Variants in MYH6 observed in about 807,000 individuals in gnomAD.
MYH6 encodes myosin-6.
MYH6 carries 126 observed loss-of-function variants against 223.2 expected under a neutral mutation model. The ratio of observed to expected loss-of-function variants is 0.56; its 90% CI spans 0.49 to 0.65. The LOEUF is 0.65. Among genes scored for constraint, MYH6 ranks in the 30% least tolerant of loss-of-function variants. The pLI is 0.00. For synonymous variants in MYH6, 978 were observed against 1,010.2 expected (o/e 0.97, Z 0.61); for missense variants, 2,040 against 2,536.4 (o/e 0.80, Z 4.20).
chr14:23,384,772 C>A, intron 35 of MYH6, 55 bp from the exon 36 acceptor site: 1 of 1,613,806 alleles, frequency 6.2e-7, no homozygotes, highest in Non-Finnish European at 8.5e-7. Context: ...GGGCCTTTTG[C>A]CCCCCAAGGA....
intron 22 of MYH6, 21 bp downstream of exon 22, chr14:23,393,645 G>A (rs1891306183): frequency 1.2e-6 from 2 of 1,614,076 alleles, no homozygotes; most frequent in African/African-American, 2.7e-5. Flanking sequence ...CTGGGCTGAA[G>A]CCAGAGGGAG....
In MYH6 at chr14:23,390,435, C is replaced by T; in HGVS notation, c.3354G>A (p.Glu1118=). The T allele has an allele frequency of 2.5e-6, 4 of 1,612,814 alleles. No individual in the cohort carries two copies. The South Asian group carries it at 3.3e-5, about 13-fold the overall frequency. The change falls in exon 26 of 39, where the codon GAG becomes GAA. Residue 1118 remains glutamate (E), a synonymous_variant. Coordinates refer to ENST00000405093, the MANE Select transcript of MYH6 (RefSeq NM_002471.4). ...CGGCCTCCAGCTCCTCCTCCAGCTC[C>T]TCGATGCGTGCCTGGGTCAGACACA... ...KKLKENQARI[E]ELEEELEAER...
At position 23,388,937 on chromosome 14, in the gene MYH6, G is replaced by T; in HGVS notation, c.4097C>A (p.Ala1366Asp). ...KAELQRVLSKANSEVAQWRTK... is the reference protein window; with the variant it reads ...KAELQRVLSKDNSEVAQWRTK... ...CCTCCACTGGGCCACCTCCGAGTTG[G>T]CCTTGGACAGGACGCGCTGCAGCTC... is the stretch of plus-strand genomic sequence containing the variant. The change falls in exon 29 of 39, where the codon GCC becomes GAC. Residue 1366 changes from alanine to aspartate, a missense_variant. By Grantham distance (126) the Ala-to-Asp change is moderately radical (BLOSUM62 -2). Around this residue, in one of 4 missense-constraint regions of MYH6, gnomAD observed 1,203 missense variants for 1,400.2 expected, o/e 0.86. Coordinates refer to ENST00000405093, the MANE Select transcript of MYH6 (RefSeq NM_002471.4). The T allele has an allele frequency of 1.2e-6, 2 of 1,613,780 alleles. No homozygotes were observed. The highest frequency in any genetic ancestry group is 1.7e-6 in the Non-Finnish European group (2 of 1,180,040).
At chr14:23,406,961 CA>C (rs1891806968) in intron 3 of MYH6, 61 bp downstream of exon 3, 4 of 1,568,790 alleles carry the variant, frequency 2.5e-6, no homozygotes, top group Non-Finnish European at 3.5e-6. Context: ...CAAGTGGCTC[CA>C]CCTCTGCATC....
At chr14:23,383,780 C>G (rs1028745769) in intron 36 of MYH6, among the ~76,000 whole-genome samples, 1 of 152,168 alleles carries the variant, frequency 6.6e-6, no homozygotes, top group Non-Finnish European at 1.5e-5. Context: ...ATTCAGGCAT[C>G]GGGATCACTG....
At chr14:23,389,278 G>A in intron 28 of MYH6, 115 bp downstream of exon 28, 1 of 1,280,840 alleles carries the variant, frequency 7.8e-7, no homozygotes, top group Non-Finnish European at 1.1e-6. Context: ...AACCTAGACT[G>A]GAGGGTCTTT....
intron 35 of MYH6, 32 bp downstream of exon 35, chr14:23,384,884 T>G (rs2138582126): frequency 1.2e-6 from 2 of 1,613,518 alleles, no homozygotes; most frequent in African/African-American, 2.7e-5. Flanking sequence ...GTTTCTGTCT[T>G]TAGGGGAGGC....
chr14:23,396,312 T>A lies in MYH6; in HGVS notation c.2401A>T (p.Ile801Phe), dbSNP rs75487328. ...QAQARGQLMR[I>F]EFKKIVERRD... is the part of the protein sequence containing the mutation. ...CGTTCCACTATCTTCTTGAACTCAA[T>A]GCGCATGAGCTGGCCCCGGGCTTGG... Residue 801 changes from isoleucine (I) to phenylalanine (F), a missense_variant, in exon 20 of 39, where the codon ATT (isoleucine) becomes TTT (phenylalanine). By Grantham distance (21) the Ile-to-Phe change is conservative. This residue lies in a region of MYH6 where 649 missense variants were observed against 877.3 expected (regional missense o/e 0.74). Transcript: ENST00000405093. The A allele has an allele frequency of 1.9e-6, 3 of 1,614,154 alleles. No individual in the cohort carries two copies. Among genetic ancestry groups the A allele is most frequent in the Admixed American group, 1.7e-5 (1 of 60,032 alleles).
At chr14:23,402,348 C>T in intron 12 of MYH6, 116 bp downstream of exon 12, 1 of 1,508,552 alleles carries the variant, frequency 6.6e-7, no homozygotes, top group South Asian at 1.2e-5. Flanking sequence ...TGTCCCTCAC[C>T]ATCCCACAAC....
intron 15 of MYH6, 97 bp downstream of exon 15, chr14:23,398,631 G>C: frequency 6.9e-7 from 1 of 1,442,016 alleles, no homozygotes; most frequent in Non-Finnish European, 9.7e-7. Flanking sequence ...GGGCTCCCCT[G>C]TGCCTGCCTA....
chr14:23,387,482 G>A, intron 32 of MYH6, 47 bp downstream of exon 32: 1 of 1,609,086 alleles, frequency 6.2e-7, no homozygotes, highest in East Asian at 2.2e-5. Flanking sequence ...AGAAGTGGGA[G>A]ACAGCGGCAG....
At chr14:23,393,161 A>C (rs1891289097) in intron 23 of MYH6, 104 bp from the exon 24 acceptor site, 1 of 1,534,058 alleles carries the variant, frequency 6.5e-7, no homozygotes, top group Non-Finnish European at 9.0e-7. Flanking sequence ...TTGGAAGTCA[A>C]ACCAACAGAG....
chr14:23,389,577 G>A lies in MYH6; in HGVS notation c.3859+16C>T. 6.2e-7 allele frequency: 1 copy of A among 1,614,212 alleles called. No homozygotes were observed. Among genetic ancestry groups the A allele is most frequent in the East Asian group, 2.2e-5 (1 of 44,876 alleles). ...CATGTCCTGCCCTAGGCAGGGGGTT[G>A]GTTAGGGGCACCCACCATTCTCGGT... On this transcript the variant is annotated intron_variant, in intron 27 of 38. Coordinates refer to ENST00000405093, the MANE Select transcript of MYH6 (RefSeq NM_002471.4).
rs1891451894 is a variant in MYH6, at chr14:23,397,932, C to CT, written c.1892-320dup. On this transcript the variant is annotated intron_variant, in intron 15 of 38. Coordinates refer to ENST00000405093, the MANE Select transcript of MYH6 (RefSeq NM_002471.4). ...AGTTCTCCTCCTCCTCCTCCTCCTC[C>CT]TCTTCTTCTTCTTCTTCTTCTTCTT... Among the ~76,000 whole-genome samples the CT allele has an allele frequency of 1.6e-4, 14 of 90,208 alleles. 1 individual carries two copies. The highest frequency in any genetic ancestry group is 7.6e-4 in the East Asian group (2 of 2,630). The allele number at this position is 90,208 out of a possible 152,430, so 59.2% of individuals were successfully genotyped here. A position where few individuals can be genotyped will look rare whatever the true frequency, so the allele number is the denominator to read the frequency against.
Position 23,398,744 on chromosome 14 carries a change from G to A in MYH6, c.1875C>T (p.Tyr625=), listed in dbSNP as rs146591697. The A allele has an allele frequency of 1.1e-4, 180 of 1,614,080 alleles. No homozygotes were observed. The Middle Eastern group carries it at 1.5e-3, about 13-fold the overall frequency. The change falls in exon 15 of 39, where the codon TAC becomes TAT. Residue 625 remains tyrosine (Y), a synonymous_variant. Coordinates refer to ENST00000405093, the MANE Select transcript of MYH6 (RefSeq NM_002471.4). ...CCTGCTTACCAGTATCGGCAGTTGC[G>A]TAGGAGGAGAAGAGAGTGGCCATGA... is the stretch of plus-strand genomic sequence containing the variant. ...LKLMATLFSS[Y]ATADTGDSGK... is the part of the protein sequence containing the mutation.
At chr14:23,403,116 G>A (rs1469694677) in intron 10 of MYH6, among the ~76,000 whole-genome samples, 1 of 151,982 alleles carries the variant, frequency 6.6e-6, no homozygotes, top group African/African-American at 2.4e-5. Context: ...AGGGAGGAGT[G>A]GAGAGAAGGG....
Position 23,384,315 on chromosome 14 carries a change from G to A in MYH6, c.5565+127C>T, listed in dbSNP as rs1383543489. On this transcript the variant is annotated intron_variant, in intron 36 of 38. Coordinates refer to ENST00000405093, the MANE Select transcript of MYH6 (RefSeq NM_002471.4). ...ACTCAAGTCAAACTGACTGCAGAGC[G>A]TGAGAAGAACGTTAAATCTACCAAC... The A allele has an allele frequency of 1.7e-5, 25 of 1,438,900 alleles. 1 individual carries two copies. Among genetic ancestry groups the A allele is most frequent in the South Asian group, 4.7e-5 (4 of 85,442 alleles). 89.1% of individuals were successfully genotyped at this position (1,438,900 alleles called of 1,614,324 possible).
rs1400535472 is a variant in MYH6, at chr14:23,387,587, A to C, written c.4592T>G (p.Val1531Gly). ...CTTCTCCACCTCCAGCTGTTTGCGG[A>C]CCTTCTCCAGCTCATGCACATTCTT... ...GGKNVHELEK[V>G]RKQLEVEKLE... The change falls in exon 32 of 39, where the codon GTC (valine) becomes GGC (glycine). Residue 1531 changes from valine (V) to glycine (G), a missense_variant. Coordinates refer to ENST00000405093, the MANE Select transcript of MYH6 (RefSeq NM_002471.4). The C allele has an allele frequency of 6.2e-6, 10 of 1,613,762 alleles. No individual in the cohort carries two copies. Among genetic ancestry groups the C allele is most frequent in the Non-Finnish European group, 7.6e-6 (9 of 1,179,962 alleles).
rs373727278 is a variant in MYH6, at chr14:23,397,519, C to T, written c.1962+24G>A. 8.1e-6 allele frequency: 13 copies of T among 1,612,770 alleles called. No individual in the cohort carries two copies. The African/African-American group carries it at 1.1e-4, about 13-fold the overall frequency. On this transcript the variant is annotated intron_variant, in intron 16 of 38. Coordinates refer to ENST00000405093, the MANE Select transcript of MYH6 (RefSeq NM_002471.4). ...GGGCTGGGCCATTCCACCAGGTGTC[C>T]TGGCACCCCTGGGCCCTTCTTACCC...
Sources: allele counts gnomAD v4.1 joint callset (sites outside exome capture counted in the v4.1 genomes callset), GRCh38; gene constraint gnomAD v4.1.1; regional missense constraint gnomAD v4.1.1; transcripts MANE v1.5; gene names NCBI Gene and HGNC (gene_info 2026-07-23, HGNC 2026-07-21).